The following PRKG1 variants were observed in gnomAD, a reference collection of about 807,000 sequenced individuals.
The protein encoded by PRKG1 is protein kinase cGMP-dependent 1, also known as cGMP-dependent protein kinase 1.
In PRKG1, 35 loss-of-function variants were observed where a neutral mutation model predicts 88.1. The ratio of observed to expected loss-of-function variants is 0.40; its 90% confidence interval spans 0.30 to 0.53. PRKG1 has a LOEUF of 0.53. PRKG1 is among the 20% of genes least tolerant of loss of function. The pLI, the probability that PRKG1 is intolerant of heterozygous loss-of-function variation, is 0.59. For missense variants in PRKG1, 540 were observed against 839.8 expected (o/e 0.64, Z 4.41); for synonymous variants, 303 against 292.5 (o/e 1.04, Z -0.37).
At chr10:51,736,526 G>C (rs1837285079) in intron 3 of PRKG1, among the ~76,000 whole-genome samples, 2 of 151,808 alleles carry the variant, frequency 1.3e-5, no homozygotes. Context: ...ACACAATTTA[G>C]ATTTTACCAC....
intron 1 of PRKG1, among the ~76,000 whole-genome samples, chr10:51,086,533 A>C (rs753378196): frequency 4.6e-5 from 7 of 152,124 alleles, no homozygotes; most frequent in Non-Finnish European, 8.8e-5. Context: ...TTTTTTCCAA[A>C]AATTCTGATA....
chr10:51,347,305 A>G (rs538179858), intron 2 of PRKG1, among the ~76,000 whole-genome samples: 1 of 152,314 alleles, frequency 6.6e-6, no homozygotes, highest in African/African-American at 2.4e-5. Context: ...AGAAGAGTGA[A>G]TATCTGAATA....
intron 2 of PRKG1, among the ~76,000 whole-genome samples, chr10:51,359,459 C>CGT (rs145482737): frequency 2.3e-3 from 305 of 130,866 alleles, no homozygotes; most frequent in African/African-American, 6.6e-3. Context: ...TGTGTGTGTG[C>CGT]GTGTGTGTGT....
At chr10:51,546,056 ATTT>A (rs34133066) in intron 3 of PRKG1, among the ~76,000 whole-genome samples, 4 of 145,856 alleles carry the variant, frequency 2.7e-5, no homozygotes. Flanking sequence ...ATCTACAGGT[ATTT>A]TTTTTTTTTT....
intron 3 of PRKG1, among the ~76,000 whole-genome samples, chr10:51,506,536 A>C (rs898757694): frequency 9.2e-5 from 14 of 152,188 alleles, no homozygotes; most frequent in Non-Finnish European, 1.8e-4. Flanking sequence ...ATGCAGCCAA[A>C]AGACACATGA....
chr10:51,668,931 T>C (rs1840488566), intron 3 of PRKG1, among the ~76,000 whole-genome samples: 1 of 152,200 alleles, frequency 6.6e-6, no homozygotes. Flanking sequence ...TACATGTACA[T>C]CATTTCATTT....
chr10:52,028,693 TA>T (rs1368006758), intron 5 of PRKG1, among the ~76,000 whole-genome samples: 1 of 152,256 alleles, frequency 6.6e-6, no homozygotes, highest in Non-Finnish European at 1.5e-5. Flanking sequence ...CAGCAAATTT[TA>T]AGAACCTACT....
At chr10:51,592,315 A>G (rs1359325804) in intron 3 of PRKG1, among the ~76,000 whole-genome samples, 1 of 152,172 alleles carries the variant, frequency 6.6e-6, no homozygotes, top group African/African-American at 2.4e-5. Context: ...AATTAAAGAA[A>G]CACTTGTTTA....
intron 1 of PRKG1, among the ~76,000 whole-genome samples, chr10:51,058,225 A>G (rs776137625): frequency 6.6e-6 from 1 of 152,134 alleles, no homozygotes; most frequent in South Asian, 2.1e-4. Flanking sequence ...TTAGGAATTC[A>G]AGATAGCATC....
At chr10:51,981,370 G>A (rs1452916596) in intron 5 of PRKG1, among the ~76,000 whole-genome samples, 1 of 152,144 alleles carries the variant, frequency 6.6e-6, no homozygotes, top group Non-Finnish European at 1.5e-5. Flanking sequence ...TGGATCACCT[G>A]AGATCAGGAG....
At chr10:51,017,488 G>A (rs1036213348) in intron 1 of PRKG1, among the ~76,000 whole-genome samples, 3 of 152,130 alleles carry the variant, frequency 2.0e-5, no homozygotes, top group Admixed American at 2.0e-4. Flanking sequence ...GTATGTGAAA[G>A]TGCTTTGTAA....
chr10:51,817,347 A>ACCCCCCCC (rs367740899), intron 4 of PRKG1, among the ~76,000 whole-genome samples: 2 of 129,590 alleles, frequency 1.5e-5, no homozygotes, highest in Non-Finnish European at 1.7e-5. Context: ...TCCCTCCCCA[A>ACCCCCCCC]CCCCCCCCCT....
At chr10:51,615,967 T>C (rs1430597145) in intron 3 of PRKG1, among the ~76,000 whole-genome samples, 1 of 152,136 alleles carries the variant, frequency 6.6e-6, no homozygotes, top group Middle Eastern at 3.2e-3. Context: ...AAAATTTGCT[T>C]TTGTAGGGCA....
intron 2 of PRKG1, among the ~76,000 whole-genome samples, chr10:51,224,745 T>C (rs1838643877): frequency 6.6e-6 from 1 of 152,234 alleles, no homozygotes; most frequent in Admixed American, 6.5e-5. Context: ...GTCACTGAAG[T>C]ATGCAGCCTC....
intron 2 of PRKG1, among the ~76,000 whole-genome samples, chr10:51,231,470 C>A (rs576531008): frequency 2.0e-5 from 3 of 152,140 alleles, no homozygotes; most frequent in Non-Finnish European, 4.4e-5. Flanking sequence ...TTAGTCTCCT[C>A]AAAACACAGA....
At chr10:51,522,150 C>T (rs182790960) in intron 3 of PRKG1, among the ~76,000 whole-genome samples, 65 of 152,124 alleles carry the variant, frequency 4.3e-4, no homozygotes, top group East Asian at 2.3e-3. Context: ...TGAGTAATTC[C>T]GGGAAATATT....
chr10:51,088,527 A>G (rs952316459), intron 1 of PRKG1, among the ~76,000 whole-genome samples: 12 of 151,874 alleles, frequency 7.9e-5, no homozygotes, highest in Non-Finnish European at 5.9e-5. Context: ...TGTAGGTTAT[A>G]TGCTAAAAAA....
At chr10:51,523,916 C>G (rs1189741253) in intron 3 of PRKG1, among the ~76,000 whole-genome samples, 1 of 152,080 alleles carries the variant, frequency 6.6e-6, no homozygotes, top group Non-Finnish European at 1.5e-5. Flanking sequence ...AATTTCGTAA[C>G]CAAGTATAAT....
rs182317674 is a variant in PRKG1, at chr10:51,437,589, T to A, written c.479-30134T>A. Among the ~76,000 whole-genome samples the A allele has an allele frequency of 4.0e-3, 608 of 152,068 alleles. 6 individuals are homozygous for A. The highest frequency in any genetic ancestry group is 0.014 in the African/African-American group (584 of 41,514). ...GTGTTCCATGATGATAGTGAGTAGATAATTTCTAGCAACTAAATTTAATAG... is the reference window on the plus strand; with the variant it reads ...GTGTTCCATGATGATAGTGAGTAGAAAATTTCTAGCAACTAAATTTAATAG... On this transcript the variant is annotated intron_variant, in intron 2 of 17. Transcript: ENST00000373980.
Sources: gnomAD v4.1 joint callset for allele counts (sites outside exome capture counted in the v4.1 genomes callset) on GRCh38, gnomAD v4.1.1 for gene constraint, MANE v1.5 for transcripts, NCBI Gene and HGNC (gene_info 2026-07-23, HGNC 2026-07-21) for gene names.